The following NTNG1 variants were observed in gnomAD, a reference collection of about 807,000 sequenced individuals.
NTNG1 encodes the protein netrin-G1.
NTNG1 carries 16 observed loss-of-function variants against 54.0 expected under a neutral mutation model. The observed-to-expected ratio is 0.30, with a 90% CI of 0.20 to 0.45. The LOEUF (loss-of-function observed/expected upper bound fraction) is 0.45, where lower values mean the gene tolerates loss of function less well. NTNG1 is among the 20% of genes least tolerant of loss of function. NTNG1 has a pLI of 1.00. For missense variants in NTNG1, 530 were observed against 678.7 expected, an observed-to-expected ratio of 0.78 and a Z score of 2.43; for synonymous variants, 255 against 263.1, an observed-to-expected ratio of 0.97 and a Z score of 0.30.
At chr1:107,273,253 G>A (rs932316852) in intron 2 of NTNG1, among the ~76,000 whole-genome samples, 1 of 152,158 alleles carries the variant, frequency 6.6e-6, no homozygotes, top group Admixed American at 6.5e-5. Context: ...GCTGAGTGAT[G>A]CAGTGGAGAA....
intron 3 of NTNG1, among the ~76,000 whole-genome samples, chr1:107,364,023 T>G (rs1287503465): frequency 3.3e-5 from 5 of 152,156 alleles, no homozygotes; most frequent in Admixed American, 2.0e-4. Flanking sequence ...TGTGAAATAT[T>G]TTGCTTGACT....
At chr1:107,246,643 T>C (rs929473632) in intron 2 of NTNG1, among the ~76,000 whole-genome samples, 1 of 152,066 alleles carries the variant, frequency 6.6e-6, no homozygotes, top group Non-Finnish European at 1.5e-5. Flanking sequence ...GTTTTACCTA[T>C]GCTTAATTTT....
At chr1:107,256,111 A>G (rs1466336186) in intron 2 of NTNG1, among the ~76,000 whole-genome samples, 1 of 152,184 alleles carries the variant, frequency 6.6e-6, no homozygotes, top group Non-Finnish European at 1.5e-5. Context: ...CATCTCAAAC[A>G]TTCTCTGTAA....
chr1:107,150,730 T>C (rs768846840), intron 2 of NTNG1, among the ~76,000 whole-genome samples: 2 of 152,180 alleles, frequency 1.3e-5, no homozygotes, highest in African/African-American at 2.4e-5. Flanking sequence ...CTGTCTGTCA[T>C]GTTGAAGGGT....
intron 3 of NTNG1, among the ~76,000 whole-genome samples, chr1:107,361,391 A>ATATTTTTTTT (rs370815306): frequency 1.1e-5 from 1 of 88,000 alleles, no homozygotes; most frequent in Admixed American, 1.9e-4. Context: ...ATATATATAT[A>ATATTTTTTTT]TTTTTTTTTT....
chr1:107,228,212 T>G (rs1409840327), intron 2 of NTNG1, among the ~76,000 whole-genome samples: 1 of 152,180 alleles, frequency 6.6e-6, no homozygotes, highest in Non-Finnish European at 1.5e-5. Context: ...GCATTATCCC[T>G]TATGCCAGTA....
At chr1:107,143,644 A>G (rs533097061) in intron 1 of NTNG1, among the ~76,000 whole-genome samples, 1 of 152,276 alleles carries the variant, frequency 6.6e-6, no homozygotes, top group Admixed American at 6.5e-5. Flanking sequence ...GAGATTTAGC[A>G]TACTTTAAAA....
At chr1:107,356,380 A>T (rs746640697) in intron 3 of NTNG1, among the ~76,000 whole-genome samples, 4 of 151,958 alleles carry the variant, frequency 2.6e-5, no homozygotes, top group Non-Finnish European at 5.9e-5. Flanking sequence ...TGCAACCTCC[A>T]CCTCCCAGGT....
chr1:107,378,571 G>A (rs1332573469), intron 3 of NTNG1, among the ~76,000 whole-genome samples: 1 of 152,208 alleles, frequency 6.6e-6, no homozygotes, highest in African/African-American at 2.4e-5. Context: ...CTGGGAATGA[G>A]TTTGTTAAAC....
At chr1:107,339,869 G>C (rs1357249635) in intron 3 of NTNG1, among the ~76,000 whole-genome samples, 1 of 152,046 alleles carries the variant, frequency 6.6e-6, no homozygotes, top group Admixed American at 6.6e-5. Context: ...GAGATACAAA[G>C]ATGAAAAGCC....
intron 2 of NTNG1, among the ~76,000 whole-genome samples, chr1:107,162,006 C>T (rs1655443365): frequency 6.6e-6 from 1 of 151,042 alleles, no homozygotes; most frequent in African/African-American, 2.4e-5. Context: ...TCCATTTGAT[C>T]TATATGATCA....
At chr1:107,373,594 G>T (rs1671056294) in intron 3 of NTNG1, among the ~76,000 whole-genome samples, 1 of 148,760 alleles carries the variant, frequency 6.7e-6, no homozygotes. Flanking sequence ...TTTCCTAAAG[G>T]ACTTCCTTTA....
chr1:107,303,548 A>T (rs575971863), intron 2 of NTNG1, among the ~76,000 whole-genome samples: 173 of 152,184 alleles, frequency 1.1e-3, no homozygotes, highest in African/African-American at 4.0e-3. Context: ...TTCCTTTTTC[A>T]CTACATTTCT....
chr1:107,407,826 C>A (rs2101147384), intron 5 of NTNG1, 118 bp downstream of exon 5: 1 of 893,614 alleles, frequency 1.1e-6, no homozygotes, highest in African/African-American at 1.6e-5. Flanking sequence ...AGGGTATTTT[C>A]TTTGTGAATT....
intron 4 of NTNG1, among the ~76,000 whole-genome samples, chr1:107,400,171 G>A (rs909485693): frequency 1.3e-5 from 2 of 151,990 alleles, no homozygotes; most frequent in East Asian, 1.9e-4. Flanking sequence ...TTCCCCTAAA[G>A]CATTTTTCTC....
intron 2 of NTNG1, among the ~76,000 whole-genome samples, chr1:107,170,536 A>C (rs898603290): frequency 8.5e-5 from 13 of 152,170 alleles, no homozygotes; most frequent in African/African-American, 3.1e-4. Context: ...GTAAAAGAAA[A>C]TAATTATTTA....
At chr1:107,244,183 A>G (rs1376777034) in intron 2 of NTNG1, among the ~76,000 whole-genome samples, 1 of 152,212 alleles carries the variant, frequency 6.6e-6, no homozygotes, top group East Asian at 1.9e-4. Flanking sequence ...TATTTGCTTT[A>G]TATACATAGA....
At chr1:107,413,354 G>C (rs1050075947) in intron 5 of NTNG1, among the ~76,000 whole-genome samples, 1 of 151,880 alleles carries the variant, frequency 6.6e-6, no homozygotes, top group Non-Finnish European at 1.5e-5. Context: ...TTTTAGTAGA[G>C]ACGGGGTCTC....
intron 3 of NTNG1, among the ~76,000 whole-genome samples, chr1:107,351,852 T>C (rs1023447566): frequency 6.6e-6 from 1 of 152,188 alleles, no homozygotes; most frequent in African/African-American, 2.4e-5. Flanking sequence ...ACCTCCAAGG[T>C]ACAATTAGGA....
Sources: gnomAD v4.1 joint callset for allele counts (sites outside exome capture counted in the v4.1 genomes callset) on GRCh38, gnomAD v4.1.1 for gene constraint, MANE v1.5 for transcripts, NCBI Gene and HGNC (gene_info 2026-07-23, HGNC 2026-07-21) for gene names.